ZBED3: variants seen among roughly 807,000 people sequenced by gnomAD.
ZBED3 encodes the protein zinc finger BED-type containing 3.
For synonymous variants in ZBED3, 175 were observed against 180.0 expected, an observed-to-expected ratio of 0.97 and a Z score of 0.22; for missense variants, 388 against 362.9, an observed-to-expected ratio of 1.07 and a Z score of -0.56.
chr5:77,077,250 G>A lies in ZBED3; in HGVS notation c.629C>T (p.Pro210Leu), dbSNP rs1561297155. The A allele has an allele frequency of 4.8e-6, 7 of 1,470,432 alleles. No homozygotes were observed. The highest frequency in any genetic ancestry group is 2.6e-5 in the South Asian group (2 of 77,130). 91.1% of individuals were successfully genotyped at this position (1,470,432 alleles called of 1,614,324 possible). A position where few individuals can be genotyped will look rare whatever the true frequency, so the allele number is the denominator to read the frequency against. Residue 210 changes from proline (P) to leucine (L), a missense_variant, in exon 3 of 3, where the codon CCC becomes CTC. Pro to Leu is a moderately conservative substitution (Grantham distance 98). Coordinates refer to ENST00000255198, the MANE Select transcript of ZBED3 (RefSeq NM_032367.4). ...SRREGALGWA[P>L]AAPPPLKDDP... Reference sequence around the variant, plus strand: ...GTCCTTGAGCGGCGGCGGCGCAGCGGGGGCCCAGCCCAGGGCGCCCTCACG... The same window carrying A: ...GTCCTTGAGCGGCGGCGGCGCAGCGAGGGCCCAGCCCAGGGCGCCCTCACG...
In ZBED3 at chr5:77,077,098, T is replaced by C. The variant is rs922181228; in HGVS notation, c.*76A>G. Reference sequence around the variant, plus strand: ...TGCGGGCCTGGCTTCGGTTACGGCTTCGGTCCCAGCGGGGTCTGAAGGCAT... The same window carrying C: ...TGCGGGCCTGGCTTCGGTTACGGCTCCGGTCCCAGCGGGGTCTGAAGGCAT... On this transcript the variant is annotated 3_prime_UTR_variant, in exon 3 of 3. Transcript: ENST00000255198. The C allele has an allele frequency of 5.2e-6, 6 of 1,150,978 alleles. No individual in the cohort carries two copies. The highest frequency in any genetic ancestry group is 6.7e-6 in the Non-Finnish European group (6 of 900,986). The allele number at this position is 1,150,978 out of a possible 1,614,324, so 71.3% of individuals were successfully genotyped here.
chr5:77,082,400 T>C (rs1743146199), intron 1 of ZBED3, among the ~76,000 whole-genome samples: 1 of 152,076 alleles, frequency 6.6e-6, no homozygotes, highest in African/African-American at 2.4e-5. Flanking sequence ...ATCAGAATCA[T>C]GTAGAATGAC....
chr5:77,082,338 A>G (rs547515814), intron 1 of ZBED3, among the ~76,000 whole-genome samples: 1 of 152,292 alleles, frequency 6.6e-6, no homozygotes, highest in African/African-American at 2.4e-5. Context: ...ATCAGCACCA[A>G]TAAACACAGT....
In ZBED3 at chr5:77,072,379, C is replaced by G. The variant is rs964647610; in HGVS notation, c.*4795G>C. On this transcript the variant is annotated 3_prime_UTR_variant, in exon 3 of 3. Transcript: ENST00000255198. ...AATGTTAATCTGGTTAATCATCTACCATATTCACCAGACTGAATAATTGGC... is the reference window on the plus strand; with the variant it reads ...AATGTTAATCTGGTTAATCATCTACGATATTCACCAGACTGAATAATTGGC... The G allele has an allele frequency of 6.6e-6, 1 of 152,156 alleles. No homozygotes were observed. Among genetic ancestry groups the G allele is most frequent in the Non-Finnish European group, 1.5e-5 (1 of 68,034 alleles). The allele number at this position is 152,156 out of a possible 1,614,324, so 9.4% of individuals were successfully genotyped here.
rs748852023 is a variant in ZBED3 at position 77,077,699 on chromosome 5, CCCGGGGCG to C, written c.172_179del (p.Arg58AlafsTer143). On this transcript the variant is annotated frameshift_variant, in exon 3 of 3. Coordinates refer to ENST00000255198, the MANE Select transcript of ZBED3 (RefSeq NM_032367.4). LOFTEE classifies it low-confidence loss of function (END_TRUNC). ...AGGTGGCCCAGTGGCCCGACGGATG[CCCGGGGCG>C]CCCCGGCGCCAGGTGGAAGTAGCCC... 15 of 1,346,204 alleles carry C rather than the reference CCCGGGGCG, an allele frequency of 1.1e-5. No individual in the cohort carries two copies. In the South Asian group the frequency reaches 2.5e-4, roughly 23 times the overall value. 83.4% of individuals were successfully genotyped at this position (1,346,204 alleles called of 1,614,324 possible). A position where few individuals can be genotyped will look rare whatever the true frequency, so the allele number is the denominator to read the frequency against.
At chr5:77,080,611 C>G (rs1403962700) in intron 1 of ZBED3, 1 of 519,020 alleles carries the variant, frequency 1.9e-6, no homozygotes, top group African/African-American at 1.9e-5. Context: ...AATCCTCAGT[C>G]TCAGTATCTG....
chr5:77,084,930 A>G (rs1010943459), intron 1 of ZBED3, among the ~76,000 whole-genome samples: 2 of 152,268 alleles, frequency 1.3e-5, no homozygotes, highest in African/African-American at 4.8e-5. Context: ...AACAGTGGAA[A>G]TTTTTGAGTG....
chr5:77,080,505 G>A (rs1391862066), intron 1 of ZBED3: 1 of 518,808 alleles, frequency 1.9e-6, no homozygotes, highest in Admixed American at 1.9e-5. Flanking sequence ...GCAGCCCTTC[G>A]ATTTTGGAGG....
At chr5:77,079,874 A>C (rs762028026) in intron 1 of ZBED3, among the ~76,000 whole-genome samples, 5 of 152,236 alleles carry the variant, frequency 3.3e-5, no homozygotes, top group African/African-American at 4.8e-5. Context: ...ATGGTTGCTA[A>C]ACAGAGTAAG....
At position 77,076,313 on chromosome 5, in the gene ZBED3, G is replaced by C. The variant is rs1030191946; in HGVS notation, c.*861C>G. 1 of 152,086 alleles carries C rather than the reference G, an allele frequency of 6.6e-6. No homozygotes were observed. Among genetic ancestry groups the C allele is most frequent in the African/African-American group, 2.4e-5 (1 of 41,358 alleles). 9.4% of individuals were successfully genotyped at this position (152,086 alleles called of 1,614,324 possible). A position where few individuals can be genotyped will look rare whatever the true frequency, so the allele number is the denominator to read the frequency against. Reference sequence around the variant, plus strand: ...AGAGGAATGGGATGGAAAATGACAGGTAGATGTGGCCTTAAGCGGAGGGAT... The same window carrying C: ...AGAGGAATGGGATGGAAAATGACAGCTAGATGTGGCCTTAAGCGGAGGGAT... On this transcript the variant is annotated 3_prime_UTR_variant, in exon 3 of 3. Transcript: ENST00000255198.
At position 77,077,286 on chromosome 5, in the gene ZBED3, T is replaced by C; in HGVS notation, c.593A>G (p.Asp198Gly). The C allele has an allele frequency of 7.2e-7, 1 of 1,385,522 alleles. No individual in the cohort carries two copies. The highest frequency in any genetic ancestry group is 1.6e-5 in the South Asian group (1 of 63,280). 85.8% of individuals were successfully genotyped at this position (1,385,522 alleles called of 1,614,324 possible). Residue 198 changes from aspartate to glycine, a missense_variant, in exon 3 of 3, where the codon GAT becomes GGT. Physicochemically the swap from Asp to Gly is moderately conservative, Grantham distance 94. Transcript: ENST00000255198. Reference protein sequence around the residue: ...EREALQARLRDVSRREGALGW... With the variant: ...EREALQARLRGVSRREGALGW... ...CAGGGCGCCCTCACGGCGGCTCACATCCCGCAGCCGCGCCTGCAGCGCCTC... is the reference window on the plus strand; with the variant it reads ...CAGGGCGCCCTCACGGCGGCTCACACCCCGCAGCCGCGCCTGCAGCGCCTC...
Position 77,077,391 on chromosome 5 carries a change from G to A in ZBED3, c.488C>T (p.Ala163Val), listed in dbSNP as rs1307572192. 3.0e-5 allele frequency: 37 copies of A among 1,251,272 alleles called. No individual in the cohort carries two copies. The highest frequency in any genetic ancestry group is 3.2e-5 in the Non-Finnish European group (32 of 998,406). The allele number at this position is 1,251,272 out of a possible 1,614,324, so 77.5% of individuals were successfully genotyped here. Residue 163 changes from alanine to valine, a missense_variant, in exon 3 of 3, where the codon GCC becomes GTC. Physicochemically the swap from Ala to Val is moderately conservative, Grantham distance 64. Coordinates refer to ENST00000255198, the MANE Select transcript of ZBED3 (RefSeq NM_032367.4). ...RELAVEQGER[A>V]LERRRRALQE... Reference sequence around the variant, plus strand: ...CAGCGCCCTCCGCCTCCGCTCCAGGGCGCGCTCGCCCTGCTCCACGGCCAG... The same window carrying A: ...CAGCGCCCTCCGCCTCCGCTCCAGGACGCGCTCGCCCTGCTCCACGGCCAG...
At chr5:77,082,305 C>T (rs959195386) in intron 1 of ZBED3, among the ~76,000 whole-genome samples, 11 of 151,720 alleles carry the variant, frequency 7.3e-5, no homozygotes, top group Non-Finnish European at 1.3e-4. Context: ...GATTCTACTC[C>T]TGGGGATCTC....
At chr5:77,084,469 C>T (rs927248892) in intron 1 of ZBED3, among the ~76,000 whole-genome samples, 3 of 151,760 alleles carry the variant, frequency 2.0e-5, no homozygotes, top group Non-Finnish European at 2.9e-5. Context: ...TTTCGCCTTC[C>T]GCCTTCCGCC....
At chr5:77,083,215 C>T (rs940267070) in intron 1 of ZBED3, among the ~76,000 whole-genome samples, 4 of 152,216 alleles carry the variant, frequency 2.6e-5, no homozygotes, top group African/African-American at 9.6e-5. Flanking sequence ...AGGGCCAGCC[C>T]AGCCTTAACT....
At chr5:77,083,965 T>C (rs1443737751) in intron 1 of ZBED3, among the ~76,000 whole-genome samples, 2 of 152,172 alleles carry the variant, frequency 1.3e-5, no homozygotes, top group Non-Finnish European at 2.9e-5. Flanking sequence ...TGTGGTTAGC[T>C]AATAAGAAAA....
chr5:77,080,133 T>C (rs1039066978), intron 1 of ZBED3, among the ~76,000 whole-genome samples: 10 of 152,234 alleles, frequency 6.6e-5, no homozygotes, highest in African/African-American at 1.7e-4. Context: ...CATTCTGATA[T>C]GCTTTCTTGA....
rs1406356133 is a variant in ZBED3 at position 77,076,671 on chromosome 5, A to G, written c.*503T>C. 2 of 149,608 alleles carry G rather than the reference A, an allele frequency of 1.3e-5. No individual in the cohort carries two copies. Among genetic ancestry groups the G allele is most frequent in the Non-Finnish European group, 3.0e-5 (2 of 67,780 alleles). 9.3% of individuals were successfully genotyped at this position (149,608 alleles called of 1,614,324 possible). On this transcript the variant is annotated 3_prime_UTR_variant, in exon 3 of 3. Coordinates refer to ENST00000255198, the MANE Select transcript of ZBED3 (RefSeq NM_032367.4). ...CACCCTTCAGAACTTGGTGTTGGGC[A>G]GATTATGCATTAGGAACTCTTTTTT...
In ZBED3 at chr5:77,073,465, A is replaced by G. The variant is rs891794459; in HGVS notation, c.*3709T>C. The G allele has an allele frequency of 1.3e-5, 2 of 152,238 alleles. No homozygotes were observed. Among genetic ancestry groups the G allele is most frequent in the Admixed American group, 6.5e-5 (1 of 15,288 alleles). The allele number at this position is 152,238 out of a possible 1,614,324, so 9.4% of individuals were successfully genotyped here. A position where few individuals can be genotyped will look rare whatever the true frequency, so the allele number is the denominator to read the frequency against. On this transcript the variant is annotated 3_prime_UTR_variant, in exon 3 of 3. Transcript: ENST00000255198. ...AAAATTGCAAAAGACAAAAGAAAAT[A>G]TATTAAAATGTTAATTAATAGCAGT...
Sources: allele counts gnomAD v4.1 joint callset (sites outside exome capture counted in the v4.1 genomes callset), GRCh38; gene constraint gnomAD v4.1.1; transcripts MANE v1.5; gene names NCBI Gene and HGNC (gene_info 2026-07-23, HGNC 2026-07-21).